The following LINGO2 variants were observed in gnomAD, a reference collection of about 807,000 sequenced individuals.
The protein encoded by LINGO2 is leucine rich repeat and Ig domain containing 2.
A neutral mutation model predicts 30.6 loss-of-function variants in LINGO2; 14 were observed. The observed-to-expected ratio is 0.46, with a 90% CI of 0.30 to 0.72. The LOEUF is 0.72. LINGO2 is among the 30% of genes least tolerant of loss of function. LINGO2 has a pLI of 0.07. For synonymous variants in LINGO2, 317 were observed against 288.5 expected (o/e 1.10, Z -1.00); for missense variants, 729 against 751.7 (o/e 0.97, Z 0.35).
At chr9:29,142,649 A>G in the LINGO2 span, among the ~76,000 whole-genome samples, 1 of 151,772 alleles carries the variant, frequency 6.6e-6, no homozygotes, top group Non-Finnish European at 1.5e-5. Flanking sequence ...TTGCCTCAAC[A>G]TAATAAAGGC....
At chr9:28,542,794 C>T (rs917629237) in intron 1 of LINGO2, among the ~76,000 whole-genome samples, 5 of 151,940 alleles carry the variant, frequency 3.3e-5, no homozygotes, top group East Asian at 1.9e-4. Flanking sequence ...AGGGATTCCA[C>T]GTTAGTATCC....
intron 1 of LINGO2, among the ~76,000 whole-genome samples, chr9:28,482,048 A>T (rs1488508750): frequency 2.6e-5 from 4 of 152,020 alleles, no homozygotes. Flanking sequence ...GTTGGTTCCA[A>T]GTCTTTGCTA....
At chr9:28,024,061 C>A (rs1199743868) in intron 4 of LINGO2, among the ~76,000 whole-genome samples, 1 of 152,088 alleles carries the variant, frequency 6.6e-6, no homozygotes, top group Non-Finnish European at 1.5e-5. Flanking sequence ...AGAAATGTCA[C>A]CAATTTTTCA....
At chr9:28,643,389 C>T (rs139168138) in intron 1 of LINGO2, among the ~76,000 whole-genome samples, 140 of 151,962 alleles carry the variant, frequency 9.2e-4, no homozygotes, top group Non-Finnish European at 1.4e-3. Flanking sequence ...CAAATTTACA[C>T]GCTCACAGTG....
the LINGO2 span, among the ~76,000 whole-genome samples, chr9:28,928,402 A>T: frequency 6.6e-6 from 1 of 152,146 alleles, no homozygotes; most frequent in Non-Finnish European, 1.5e-5. Context: ...ACCTATCCTA[A>T]CTCTTACTCA....
intron 4 of LINGO2, among the ~76,000 whole-genome samples, chr9:28,119,210 A>G (rs1827022345): frequency 6.6e-6 from 1 of 152,206 alleles, no homozygotes; most frequent in South Asian, 2.1e-4. Flanking sequence ...AGTAACCAGC[A>G]AACCCAATAA....
At chr9:28,572,751 C>G (rs1456402283) in intron 1 of LINGO2, among the ~76,000 whole-genome samples, 1 of 152,090 alleles carries the variant, frequency 6.6e-6, no homozygotes, top group African/African-American at 2.4e-5. Context: ...GACAACTACT[C>G]CGCGTATATT....
the LINGO2 span, among the ~76,000 whole-genome samples, chr9:29,015,359 A>G: frequency 4.6e-5 from 7 of 152,200 alleles, no homozygotes; most frequent in African/African-American, 1.7e-4. Flanking sequence ...AGCATTCAAC[A>G]CTTGCTTTCT....
the LINGO2 span, among the ~76,000 whole-genome samples, chr9:28,967,662 G>A: frequency 6.6e-6 from 1 of 152,120 alleles, no homozygotes; most frequent in Non-Finnish European, 1.5e-5. Flanking sequence ...CCATTAGTCT[G>A]AGTTGACTCT....
the LINGO2 span, among the ~76,000 whole-genome samples, chr9:28,988,433 T>G: frequency 6.6e-6 from 1 of 152,144 alleles, no homozygotes; most frequent in East Asian, 1.9e-4. Context: ...GAAAGTAAGG[T>G]GAGACTGTAT....
chr9:28,712,532 AATT>A, the LINGO2 span, among the ~76,000 whole-genome samples: 3 of 151,334 alleles, frequency 2.0e-5, no homozygotes, highest in African/African-American at 7.3e-5. Flanking sequence ...TTTACAGAAA[AATT>A]ACTTAAATTA....
chr9:28,189,649 GAGGA>G (rs1453477227), intron 4 of LINGO2, among the ~76,000 whole-genome samples: 1 of 5,266 alleles, frequency 1.9e-4, no homozygotes, highest in Non-Finnish European at 4.2e-4. Context: ...GGAAGGGAGG[GAGGA>G]AGGAAGGAAG....
At chr9:29,013,319 A>G in the LINGO2 span, among the ~76,000 whole-genome samples, 1 of 152,152 alleles carries the variant, frequency 6.6e-6, no homozygotes, top group Non-Finnish European at 1.5e-5. Flanking sequence ...TGTACCTAAC[A>G]AAGTACCTTA....
chr9:28,680,076 C>T, the LINGO2 span, among the ~76,000 whole-genome samples: 1 of 151,964 alleles, frequency 6.6e-6, no homozygotes, highest in Admixed American at 6.6e-5. Flanking sequence ...TCAAACTCTG[C>T]AACTAATTTC....
the LINGO2 span, among the ~76,000 whole-genome samples, chr9:29,009,354 A>T: frequency 6.6e-6 from 1 of 152,318 alleles, no homozygotes; most frequent in East Asian, 1.9e-4. Flanking sequence ...TAAAAAATCA[A>T]CGTGCAAAAA....
At chr9:28,748,826 T>C in the LINGO2 span, among the ~76,000 whole-genome samples, 3 of 151,930 alleles carry the variant, frequency 2.0e-5, no homozygotes, top group Non-Finnish European at 4.4e-5. Context: ...AAAATAAAGA[T>C]GTAAAATACT....
chr9:28,365,269 T>C (rs1820615498), intron 3 of LINGO2, among the ~76,000 whole-genome samples: 1 of 152,024 alleles, frequency 6.6e-6, no homozygotes, highest in African/African-American at 2.4e-5. Flanking sequence ...CAAAGGGAGC[T>C]TTCTAGAGGA....
intron 4 of LINGO2, among the ~76,000 whole-genome samples, chr9:28,281,400 T>G (rs1272569932): frequency 6.6e-6 from 1 of 152,052 alleles, no homozygotes; most frequent in Non-Finnish European, 1.5e-5. Flanking sequence ...CCCAGTTAAC[T>G]ATTAAGACCC....
chr9:28,197,318 C>A (rs1367593023), intron 4 of LINGO2, among the ~76,000 whole-genome samples: 8 of 151,622 alleles, frequency 5.3e-5, no homozygotes. Flanking sequence ...TTATGGGAAG[C>A]TAGTCTACAC....
Sources: gnomAD v4.1 joint callset for allele counts (sites outside exome capture counted in the v4.1 genomes callset) on GRCh38, gnomAD v4.1.1 for gene constraint, MANE v1.5 for transcripts, NCBI Gene and HGNC (gene_info 2026-07-23, HGNC 2026-07-21) for gene names.